The following CACNA2D3 variants were observed in gnomAD, a reference collection of about 807,000 sequenced individuals.
The protein encoded by CACNA2D3 is voltage-dependent calcium channel subunit alpha-2/delta-3.
A neutral mutation model predicts 160.6 loss-of-function variants in CACNA2D3; 60 were observed. The observed-to-expected ratio is 0.37, with a 90% CI of 0.30 to 0.46. The LOEUF is 0.46. Among genes scored for constraint, CACNA2D3 ranks in the 20% least tolerant of loss-of-function variants. The probability of loss-of-function intolerance (pLI) is 1.00; values close to 1 mark genes in which losing one functional copy is unlikely to be tolerated. For synonymous variants in CACNA2D3, 558 were observed against 492.9 expected (o/e 1.13, Z -1.75); for missense variants, 1,205 against 1,365.0 (o/e 0.88, Z 1.85).
intron 29 of CACNA2D3, among the ~76,000 whole-genome samples, chr3:54,974,265 A>G (rs1379732676): frequency 3.9e-5 from 6 of 152,258 alleles, no homozygotes; most frequent in South Asian, 2.1e-4. Flanking sequence ...TGGAGGACTT[A>G]CTATGCACTA....
chr3:54,342,295 G>A (rs535078611), intron 3 of CACNA2D3, among the ~76,000 whole-genome samples: 1 of 152,320 alleles, frequency 6.6e-6, no homozygotes, highest in Non-Finnish European at 1.5e-5. Flanking sequence ...ATTTAAAGAT[G>A]AGTAAGGCAG....
intron 11 of CACNA2D3, among the ~76,000 whole-genome samples, chr3:54,678,019 G>C (rs764281802): frequency 6.6e-6 from 1 of 152,092 alleles, no homozygotes; most frequent in Non-Finnish European, 1.5e-5. Flanking sequence ...TTTTAAAAAG[G>C]CACAAGGAAA....
intron 17 of CACNA2D3, among the ~76,000 whole-genome samples, chr3:54,853,026 G>A (rs1699092698): frequency 6.6e-6 from 1 of 151,936 alleles, no homozygotes; most frequent in African/African-American, 2.4e-5. Context: ...CTCAGAAACC[G>A]CAAGCTCCTT....
intron 2 of CACNA2D3, among the ~76,000 whole-genome samples, chr3:54,125,871 A>C (rs757291287): frequency 1.3e-5 from 2 of 152,186 alleles, no homozygotes; most frequent in Non-Finnish European, 2.9e-5. Context: ...GTTTCTGTCC[A>C]TTTGCATGAG....
At chr3:54,329,528 A>G (rs1252004217) in intron 3 of CACNA2D3, among the ~76,000 whole-genome samples, 1 of 152,218 alleles carries the variant, frequency 6.6e-6, no homozygotes, top group Non-Finnish European at 1.5e-5. Context: ...TGAACCTGAC[A>G]CAGCAATGTG....
At chr3:54,275,530 G>A (rs746528482) in intron 2 of CACNA2D3, among the ~76,000 whole-genome samples, 1 of 152,204 alleles carries the variant, frequency 6.6e-6, no homozygotes, top group Non-Finnish European at 1.5e-5. Context: ...TAAATAGCAA[G>A]ATGTGCAGCA....
chr3:54,567,521 T>TTTG (rs983206448), intron 6 of CACNA2D3, among the ~76,000 whole-genome samples: 1 of 135,904 alleles, frequency 7.4e-6, no homozygotes, highest in Non-Finnish European at 1.7e-5. Flanking sequence ...TTGTTTGTTG[T>TTTG]TTGTTGTTGT....
rs146715663 is a variant in CACNA2D3 at position 54,464,721 on chromosome 3, G to A, written c.382-38771G>A. ...GAAGGGGAACTCCCTGACCCCTCGC[G>A]CTTCCTGAGTGAGGCAATGCCTCGC... is the stretch of plus-strand genomic sequence containing the variant. On this transcript the variant is annotated intron_variant, in intron 4 of 37. Transcript: ENST00000474759. 6.4e-3 allele frequency among the ~76,000 whole-genome samples: 970 copies of A among 152,304 alleles called. 9 individuals carry two copies. The highest frequency in any genetic ancestry group is 0.021 in the African/African-American group (864 of 41,568).
chr3:54,782,413 A>T (rs1206249674), intron 13 of CACNA2D3, among the ~76,000 whole-genome samples: 1 of 152,222 alleles, frequency 6.6e-6, no homozygotes, highest in Non-Finnish European at 1.5e-5. Flanking sequence ...GCCTATATCA[A>T]GTGCTCAATA....
intron 11 of CACNA2D3, among the ~76,000 whole-genome samples, chr3:54,671,754 G>GAAAT (rs760630373): frequency 7.2e-5 from 11 of 152,170 alleles, no homozygotes; most frequent in Non-Finnish European, 1.6e-4. Context: ...AGCAGCCCTG[G>GAAAT]AAATGTAGAC....
intron 5 of CACNA2D3, among the ~76,000 whole-genome samples, chr3:54,554,377 T>G (rs1702206651): frequency 6.6e-6 from 1 of 152,216 alleles, no homozygotes; most frequent in Non-Finnish European, 1.5e-5. Flanking sequence ...AGGTACTCAA[T>G]CAATATTTGT....
At chr3:54,960,837 C>G (rs911054388) in intron 27 of CACNA2D3, among the ~76,000 whole-genome samples, 2 of 152,152 alleles carry the variant, frequency 1.3e-5, no homozygotes, top group Non-Finnish European at 2.9e-5. Context: ...TGAGTTATGT[C>G]CTAATTCACA....
rs570288158 is a variant in CACNA2D3, at chr3:54,689,069, A to G, written c.1167+46828A>G. On this transcript the variant is annotated intron_variant, in intron 11 of 37. Transcript: ENST00000474759. ...GGTTCCTGACACAGAGAAAGAGTTC[A>G]AAAGCCATAGCTGCAATTATTAATG... is the stretch of plus-strand genomic sequence containing the variant. Among the ~76,000 whole-genome samples the G allele has an allele frequency of 3.3e-5, 5 of 150,830 alleles. No homozygotes were observed. In the East Asian group the frequency reaches 1.0e-3, roughly 30 times the overall value.
chr3:54,661,486 A>C lies in CACNA2D3; in HGVS notation c.1167+19245A>C, dbSNP rs114792619. 8.8e-3 allele frequency among the ~76,000 whole-genome samples: 1,347 copies of C among 152,214 alleles called. 21 individuals carry two copies. Among genetic ancestry groups the C allele is most frequent in the African/African-American group, 0.031 (1,286 of 41,506 alleles). The stretch of plus-strand genomic sequence containing the variant: ...TGTGTTTCGTCTCCACAGAATAATT[A>C]CCTTAACCCTCCTAAAGTACTGACT... On this transcript the variant is annotated intron_variant, in intron 11 of 37. Coordinates refer to ENST00000474759, the MANE Select transcript of CACNA2D3 (RefSeq NM_018398.3).
intron 14 of CACNA2D3, among the ~76,000 whole-genome samples, chr3:54,827,865 G>A (rs1276523454): frequency 6.6e-6 from 1 of 152,206 alleles, no homozygotes; most frequent in African/African-American, 2.4e-5. Flanking sequence ...CAGGCTCTGT[G>A]CTAAATGCCG....
intron 5 of CACNA2D3, among the ~76,000 whole-genome samples, chr3:54,556,921 C>G (rs532469615): frequency 6.6e-6 from 1 of 152,154 alleles, no homozygotes; most frequent in Non-Finnish European, 1.5e-5. Context: ...CATTTACTGT[C>G]CCGTGGGTTA....
intron 6 of CACNA2D3, among the ~76,000 whole-genome samples, chr3:54,565,990 A>G (rs961317520): frequency 2.6e-5 from 4 of 152,152 alleles, no homozygotes; most frequent in East Asian, 3.9e-4. Flanking sequence ...TGGGTGCTCA[A>G]TATGTGTTTG....
intron 9 of CACNA2D3, among the ~76,000 whole-genome samples, chr3:54,599,499 A>G (rs557514853): frequency 4.0e-4 from 61 of 152,242 alleles, no homozygotes; most frequent in African/African-American, 9.6e-4. Flanking sequence ...ATGCTCCCCA[A>G]TTTGTATTGT....
At chr3:54,773,800 T>C (rs1197096221) in intron 13 of CACNA2D3, among the ~76,000 whole-genome samples, 1 of 152,220 alleles carries the variant, frequency 6.6e-6, no homozygotes, top group Non-Finnish European at 1.5e-5. Flanking sequence ...ACAGAGTTGG[T>C]ATTATAAAAC....
Sources: allele counts gnomAD v4.1 joint callset (sites outside exome capture counted in the v4.1 genomes callset), GRCh38; gene constraint gnomAD v4.1.1; transcripts MANE v1.5; gene names NCBI Gene and HGNC (gene_info 2026-07-23, HGNC 2026-07-21).